Variants in ANP32B observed in about 807,000 individuals in gnomAD.
ANP32B encodes acidic nuclear phosphoprotein 32 family member B.
In ANP32B, 6 loss-of-function variants were observed where a neutral mutation model predicts 32.2. The observed-to-expected ratio is 0.19, with a 90% CI of 0.10 to 0.37. The LOEUF is 0.37. ANP32B is among the 10% of genes least tolerant of loss of function. The pLI, the probability that ANP32B is intolerant of heterozygous loss-of-function variation, is 1.00. For missense variants in ANP32B, 204 were observed against 289.2 expected (o/e 0.71, Z 2.14); for synonymous variants, 98 against 105.8 (o/e 0.93, Z 0.45).
At chr9:97,992,962 G>T (rs562669415) in intron 1 of ANP32B, among the ~76,000 whole-genome samples, 1 of 152,152 alleles carries the variant, frequency 6.6e-6, no homozygotes, top group Non-Finnish European at 1.5e-5. Context: ...GCACAAGGTC[G>T]CACAAGTTCT....
Position 97,983,388 on chromosome 9 carries a change from G to A in ANP32B, c.-168G>A, listed in dbSNP as rs952027852. ...CCGCTCCCGTGAGTAACTTGGCTCCGGGGGCTCCGCTCGCCTGCCCGCACG... is the reference window on the plus strand; with the variant it reads ...CCGCTCCCGTGAGTAACTTGGCTCCAGGGGCTCCGCTCGCCTGCCCGCACG... On this transcript the variant is annotated 5_prime_UTR_variant, in exon 1 of 7. Transcript: ENST00000339399. 2 of 567,268 alleles carry A rather than the reference G, an allele frequency of 3.5e-6. No homozygotes were observed. Among genetic ancestry groups the A allele is most frequent in the Non-Finnish European group, 6.2e-6 (2 of 321,614 alleles). The allele number at this position is 567,268 out of a possible 1,614,324, so 35.1% of individuals were successfully genotyped here. A position where few individuals can be genotyped will look rare whatever the true frequency, so the allele number is the denominator to read the frequency against.
At chr9:98,006,398 C>G (rs1251827755) in intron 4 of ANP32B, among the ~76,000 whole-genome samples, 1 of 152,042 alleles carries the variant, frequency 6.6e-6, no homozygotes, top group Non-Finnish European at 1.5e-5. Context: ...TTTACCACTT[C>G]CATCCACACC....
At chr9:98,006,363 A>G (rs1477218599) in intron 4 of ANP32B, among the ~76,000 whole-genome samples, 5 of 152,156 alleles carry the variant, frequency 3.3e-5, no homozygotes, top group African/African-American at 1.2e-4. Context: ...TTTTTTAGTC[A>G]GTGCATGGCC....
intron 1 of ANP32B, 59 bp from the exon 2 acceptor site, chr9:97,994,572 T>G: frequency 6.5e-7 from 1 of 1,537,460 alleles, no homozygotes; most frequent in Non-Finnish European, 8.8e-7. Context: ...AGTTTCTGCA[T>G]TGTTGTTTGT....
intron 1 of ANP32B, among the ~76,000 whole-genome samples, chr9:97,989,089 A>G (rs1827783462): frequency 6.6e-6 from 1 of 152,202 alleles, no homozygotes; most frequent in Non-Finnish European, 1.5e-5. Context: ...AAATGTTTCC[A>G]TCTCCTGTGG....
intron 6 of ANP32B, 97 bp downstream of exon 6, chr9:98,012,569 A>T: frequency 6.5e-7 from 1 of 1,526,788 alleles, no homozygotes; most frequent in Non-Finnish European, 8.8e-7. Flanking sequence ...AAAATAAAAT[A>T]CTCTTGGCTC....
chr9:97,992,422 C>T (rs959115163), intron 1 of ANP32B, among the ~76,000 whole-genome samples: 2 of 152,152 alleles, frequency 1.3e-5, no homozygotes, highest in African/African-American at 4.8e-5. Flanking sequence ...CATTTGAGTC[C>T]TGTGATACTT....
At chr9:97,983,769 A>C (rs1414931536) in intron 1 of ANP32B, among the ~76,000 whole-genome samples, 160 bp downstream of exon 1, 1 of 149,738 alleles carries the variant, frequency 6.7e-6, no homozygotes, top group Non-Finnish European at 1.5e-5. Context: ...GGGGGGAGCG[A>C]GCGCGCGAGG....
intron 3 of ANP32B, among the ~76,000 whole-genome samples, chr9:98,001,454 A>G (rs1827991334): frequency 6.6e-6 from 1 of 151,786 alleles, no homozygotes; most frequent in Admixed American, 6.6e-5. Flanking sequence ...AGCCTCCCAA[A>G]GCGCTGGGAT....
chr9:97,998,846 C>T (rs1422601991), intron 3 of ANP32B, among the ~76,000 whole-genome samples, 168 bp downstream of exon 3: 1 of 16,630 alleles, frequency 6.0e-5, no homozygotes, highest in Non-Finnish European at 9.0e-5. Context: ...CTCGCTCTGT[C>T]GCCCAGGCTG....
At chr9:97,995,331 C>G (rs375074288) in intron 2 of ANP32B, among the ~76,000 whole-genome samples, 1 of 152,170 alleles carries the variant, frequency 6.6e-6, no homozygotes, top group East Asian at 1.9e-4. Context: ...GTGGTTAGTA[C>G]TAGAGCCAAA....
At chr9:98,010,262 G>GTT (rs10709205) in intron 4 of ANP32B, among the ~76,000 whole-genome samples, 1 of 138,830 alleles carries the variant, frequency 7.2e-6, no homozygotes, top group Admixed American at 7.2e-5. Context: ...GAGAAATGGT[G>GTT]TTTTTTTTTT....
chr9:98,013,063 G>T (rs540767404), intron 6 of ANP32B, among the ~76,000 whole-genome samples: 1 of 152,064 alleles, frequency 6.6e-6, no homozygotes, highest in Non-Finnish European at 1.5e-5. Context: ...TTGCTCTGTC[G>T]CCCAGTCTGG....
chr9:97,984,231 C>T (rs1327964099), intron 1 of ANP32B, among the ~76,000 whole-genome samples: 1 of 149,876 alleles, frequency 6.7e-6, no homozygotes, highest in African/African-American at 2.4e-5. Context: ...GCCCGGCGCG[C>T]GGAGCGGGGG....
At chr9:98,008,126 T>C (rs1408762084) in intron 4 of ANP32B, among the ~76,000 whole-genome samples, 5 of 152,270 alleles carry the variant, frequency 3.3e-5, no homozygotes, top group Non-Finnish European at 5.9e-5. Context: ...CCTGATGCTC[T>C]CCGTCCCCAG....
chr9:98,004,200 T>C (rs1302311655), intron 3 of ANP32B, among the ~76,000 whole-genome samples: 1 of 152,204 alleles, frequency 6.6e-6, no homozygotes, highest in Admixed American at 6.5e-5. Flanking sequence ...CTTAACTGTT[T>C]TTAGATAGAT....
chr9:98,008,787 A>G (rs1433690068), intron 4 of ANP32B, among the ~76,000 whole-genome samples: 2 of 152,358 alleles, frequency 1.3e-5, no homozygotes, highest in East Asian at 1.9e-4. Context: ...ATTCCACATT[A>G]TGATGAGTTG....
intron 1 of ANP32B, among the ~76,000 whole-genome samples, chr9:97,984,207 C>T (rs923220677): frequency 6.6e-5 from 10 of 150,430 alleles, no homozygotes; most frequent in East Asian, 2.0e-4. Flanking sequence ...CGCCTGGAGG[C>T]CTGGGCGGGC....
intron 2 of ANP32B, among the ~76,000 whole-genome samples, chr9:97,995,100 T>G (rs1827883447): frequency 6.6e-6 from 1 of 152,226 alleles, no homozygotes; most frequent in African/African-American, 2.4e-5. Context: ...GTTGAGTAAT[T>G]TATTTGTTAA....
Sources: gnomAD v4.1 joint callset for allele counts (sites outside exome capture counted in the v4.1 genomes callset) on GRCh38, gnomAD v4.1.1 for gene constraint, MANE v1.5 for transcripts, NCBI Gene and HGNC (gene_info 2026-07-23, HGNC 2026-07-21) for gene names.